The following PHACTR1 variants were observed in gnomAD, a reference collection of about 807,000 sequenced individuals.
The protein encoded by PHACTR1 is phosphatase and actin regulator 1.
A neutral mutation model predicts 69.2 loss-of-function variants in PHACTR1; 16 were observed. The ratio of observed to expected loss-of-function variants is 0.23; its 90% CI spans 0.16 to 0.35. The LOEUF (loss-of-function observed/expected upper bound fraction) is 0.35. Among genes scored for constraint, PHACTR1 ranks in the 10% least tolerant of loss-of-function variants. The pLI, the probability that PHACTR1 is intolerant of heterozygous loss-of-function variation, is 1.00. For synonymous variants in PHACTR1, 312 were observed against 284.5 expected (o/e 1.10, Z -0.97); for missense variants, 510 against 734.7 (o/e 0.69, Z 3.54).
chr6:13,137,922 G>A (rs1821811568), intron 5 of PHACTR1, among the ~76,000 whole-genome samples: 1 of 152,188 alleles, frequency 6.6e-6, no homozygotes, highest in Non-Finnish European at 1.5e-5. Flanking sequence ...CTTGTGTCCT[G>A]AGCATTAAAG....
At chr6:13,056,262 T>C (rs1475770819) in intron 5 of PHACTR1, among the ~76,000 whole-genome samples, 1 of 152,106 alleles carries the variant, frequency 6.6e-6, no homozygotes, top group African/African-American at 2.4e-5. Flanking sequence ...AAAATTAACA[T>C]GGGGACACAT....
intron 4 of PHACTR1, among the ~76,000 whole-genome samples, chr6:12,954,935 T>C (rs943308636): frequency 6.6e-6 from 1 of 152,226 alleles, no homozygotes; most frequent in African/African-American, 2.4e-5. Flanking sequence ...TAACCACATG[T>C]GGCTACTGGG....
intron 4 of PHACTR1, among the ~76,000 whole-genome samples, chr6:12,875,967 G>A (rs1336458217): frequency 1.3e-5 from 2 of 152,150 alleles, no homozygotes; most frequent in African/African-American, 4.8e-5. Flanking sequence ...ATAAAGCTAA[G>A]GAGGTTAGGA....
intron 4 of PHACTR1, chr6:12,933,852 G>C: frequency 1.2e-6 from 2 of 1,612,722 alleles, no homozygotes; most frequent in South Asian, 1.1e-5. Flanking sequence ...AAGAGAAGGA[G>C]GGTGGTTTGG....
chr6:12,898,562 C>G (rs1784902163), intron 4 of PHACTR1, among the ~76,000 whole-genome samples: 1 of 152,236 alleles, frequency 6.6e-6, no homozygotes, highest in Non-Finnish European at 1.5e-5. Context: ...CTAAATGTCT[C>G]AGACATATCT....
intron 4 of PHACTR1, among the ~76,000 whole-genome samples, chr6:12,789,172 T>A (rs1260040651): frequency 6.6e-6 from 1 of 152,230 alleles, no homozygotes; most frequent in African/African-American, 2.4e-5. Context: ...AGATCACTAA[T>A]GACTTACTTC....
At chr6:12,779,754 A>G (rs1378564119) in intron 4 of PHACTR1, among the ~76,000 whole-genome samples, 3 of 152,174 alleles carry the variant, frequency 2.0e-5, no homozygotes, top group Non-Finnish European at 4.4e-5. Flanking sequence ...TATTTTTGGC[A>G]TCTTCTATGG....
chr6:12,895,656 G>A (rs1025864933), intron 4 of PHACTR1, among the ~76,000 whole-genome samples: 4 of 152,160 alleles, frequency 2.6e-5, no homozygotes, highest in African/African-American at 7.2e-5. Flanking sequence ...GCTCTGCTAC[G>A]GAGGATTGCA....
intron 5 of PHACTR1, among the ~76,000 whole-genome samples, chr6:13,090,724 G>A (rs1380511595): frequency 6.6e-6 from 1 of 152,072 alleles, no homozygotes; most frequent in Non-Finnish European, 1.5e-5. Flanking sequence ...CCAGCAATTG[G>A]CCTTGAATAC....
intron 4 of PHACTR1, among the ~76,000 whole-genome samples, chr6:12,997,622 G>A (rs531957167): frequency 6.6e-6 from 1 of 151,978 alleles, no homozygotes; most frequent in Non-Finnish European, 1.5e-5. Flanking sequence ...TTTTTGTGGC[G>A]AGAATATTCA....
At chr6:12,819,113 G>A (rs1374866682) in intron 4 of PHACTR1, among the ~76,000 whole-genome samples, 3 of 152,130 alleles carry the variant, frequency 2.0e-5, no homozygotes, top group Non-Finnish European at 2.9e-5. Context: ...CAAAACCTCG[G>A]CATCTTCCAA....
intron 4 of PHACTR1, among the ~76,000 whole-genome samples, chr6:12,936,371 G>T (rs1395352559): frequency 6.6e-6 from 1 of 152,140 alleles, no homozygotes; most frequent in Non-Finnish European, 1.5e-5. Flanking sequence ...CACAAAATTA[G>T]AATGTAATTG....
chr6:13,206,571 TAATATTAAACATTGA>T (rs1033261072), intron 8 of PHACTR1, among the ~76,000 whole-genome samples: 1 of 152,228 alleles, frequency 6.6e-6, no homozygotes, highest in African/African-American at 2.4e-5. Flanking sequence ...ACAACACTTC[TAATATTAAACATTGA>T]AATAAATGTG....
At chr6:13,135,460 C>T (rs1583523117) in intron 5 of PHACTR1, among the ~76,000 whole-genome samples, 1 of 152,242 alleles carries the variant, frequency 6.6e-6, no homozygotes, top group South Asian at 2.1e-4. Context: ...ATGCAACTGA[C>T]TTTTCTCAAT....
chr6:12,815,271 A>G (rs1430125927), intron 4 of PHACTR1, among the ~76,000 whole-genome samples: 2 of 152,152 alleles, frequency 1.3e-5, no homozygotes, highest in Admixed American at 6.5e-5. Context: ...TAGTGCCTGT[A>G]TTTCTTTTCC....
At chr6:12,916,079 T>C (rs769516372) in intron 4 of PHACTR1, among the ~76,000 whole-genome samples, 3 of 152,158 alleles carry the variant, frequency 2.0e-5, no homozygotes, top group Non-Finnish European at 4.4e-5. Context: ...AAAAGGGTAA[T>C]ACATTGGTAT....
chr6:12,904,135 A>T (rs1217049799), intron 4 of PHACTR1, among the ~76,000 whole-genome samples: 2 of 152,218 alleles, frequency 1.3e-5, no homozygotes, highest in Non-Finnish European at 2.9e-5. Flanking sequence ...ATTTTCATTT[A>T]TGTTTATTAA....
chr6:12,852,375 A>C (rs1779920792), intron 4 of PHACTR1, among the ~76,000 whole-genome samples: 1 of 152,312 alleles, frequency 6.6e-6, no homozygotes, highest in South Asian at 2.1e-4. Context: ...AGAAGAATCC[A>C]ACTTAAGAAA....
At chr6:12,780,737 G>A (rs1184278238) in intron 4 of PHACTR1, among the ~76,000 whole-genome samples, 1 of 152,166 alleles carries the variant, frequency 6.6e-6, no homozygotes, top group African/African-American at 2.4e-5. Flanking sequence ...CCTGAAAAAG[G>A]CATCCAGGTA....
Sources: allele counts gnomAD v4.1 joint callset (sites outside exome capture counted in the v4.1 genomes callset), GRCh38; gene constraint gnomAD v4.1.1; transcripts MANE v1.5; gene names NCBI Gene and HGNC (gene_info 2026-07-23, HGNC 2026-07-21).